The following TMPRSS11D variants were observed in gnomAD, a reference collection of about 807,000 sequenced individuals.
TMPRSS11D encodes the protein transmembrane serine protease 11D, also known as transmembrane protease serine 11D.
In TMPRSS11D, 32 loss-of-function variants were observed where a neutral mutation model predicts 44.4. That is an observed-to-expected ratio of 0.72 (90% CI 0.54 to 0.97). The LOEUF (loss-of-function observed/expected upper bound fraction) is 0.97. Ranked by LOEUF, TMPRSS11D falls within the 50% of genes least tolerant of loss-of-function variation. The pLI is 0.00. For synonymous variants in TMPRSS11D, 179 were observed against 177.9 expected (o/e 1.01, Z -0.05); for missense variants, 446 against 502.6 (o/e 0.89, Z 1.08).
At chr4:67,874,370 T>C (rs549583118) in intron 1 of TMPRSS11D, among the ~76,000 whole-genome samples, 1 of 152,308 alleles carries the variant, frequency 6.6e-6, no homozygotes, top group Admixed American at 6.5e-5. Flanking sequence ...CAGTGTGATC[T>C]GATTTGTAAT....
chr4:67,864,262 T>C (rs1245138698), intron 1 of TMPRSS11D, among the ~76,000 whole-genome samples: 2 of 151,994 alleles, frequency 1.3e-5, no homozygotes, highest in Non-Finnish European at 2.9e-5. Flanking sequence ...AACTTTATAG[T>C]AAAGAAGAGG....
At chr4:67,862,723 A>C (rs1169258818) in intron 1 of TMPRSS11D, among the ~76,000 whole-genome samples, 2 of 152,164 alleles carry the variant, frequency 1.3e-5, no homozygotes, top group African/African-American at 4.8e-5. Flanking sequence ...AATACTATGC[A>C]GCCATAAAAA....
intron 2 of TMPRSS11D, among the ~76,000 whole-genome samples, chr4:67,854,494 C>A (rs933782399): frequency 2.0e-5 from 3 of 151,972 alleles, no homozygotes; most frequent in African/African-American, 7.2e-5. Context: ...GTGGTGTATT[C>A]ATTCAGGAAA....
intron 1 of TMPRSS11D, among the ~76,000 whole-genome samples, chr4:67,861,418 G>A (rs1272440086): frequency 6.6e-6 from 1 of 152,102 alleles, no homozygotes. Context: ...CTGCTGAGTA[G>A]TGAAAGAGTT....
chr4:67,853,026 C>T (rs1315099560), intron 3 of TMPRSS11D, among the ~76,000 whole-genome samples: 1 of 152,124 alleles, frequency 6.6e-6, no homozygotes, highest in African/African-American at 2.4e-5. Flanking sequence ...GAGGTAGTTT[C>T]TTATAAAAGA....
At chr4:67,857,715 AG>A (rs1438202256) in intron 2 of TMPRSS11D, among the ~76,000 whole-genome samples, 1 of 152,160 alleles carries the variant, frequency 6.6e-6, no homozygotes, top group Non-Finnish European at 1.5e-5. Flanking sequence ...GGAAGGATGG[AG>A]GGGTGTGAGG....
rs1160854941 is a variant in TMPRSS11D, at chr4:67,821,725, T to C, written c.*612A>G. 2 of 152,152 alleles carry C rather than the reference T, an allele frequency of 1.3e-5. No homozygotes were observed. Among genetic ancestry groups the C allele is most frequent in the Non-Finnish European group, 2.9e-5 (2 of 68,032 alleles). The allele number at this position is 152,152 out of a possible 1,614,324, so 9.4% of individuals were successfully genotyped here. On this transcript the variant is annotated 3_prime_UTR_variant, in exon 10 of 10. Coordinates refer to ENST00000283916, the MANE Select transcript of TMPRSS11D (RefSeq NM_004262.3). Reference sequence around the variant, plus strand: ...GCTTTTGCCTTAAATAGCTGAAAATTATCCACTATTTCCTATGGAAGCATG... The same window carrying C: ...GCTTTTGCCTTAAATAGCTGAAAATCATCCACTATTTCCTATGGAAGCATG...
rs1440374491 is a variant in TMPRSS11D, at chr4:67,859,694, G to C, written c.9-16C>G. 1 of 1,609,452 alleles carries C rather than the reference G, an allele frequency of 6.2e-7. No homozygotes were observed. Among genetic ancestry groups the C allele is most frequent in the South Asian group, 1.1e-5 (1 of 90,616 alleles). On this transcript the variant is annotated splice_polypyrimidine_tract_variant and intron_variant, in intron 1 of 9. Transcript: ENST00000283916. ...ACGTGCTGGCCTTACAAGAGAGAGAGATCAAAGAAAGTCATTCATTTCACT... is the reference window on the plus strand; with the variant it reads ...ACGTGCTGGCCTTACAAGAGAGAGACATCAAAGAAAGTCATTCATTTCACT...
At chr4:67,854,399 A>G (rs1718584682) in intron 2 of TMPRSS11D, among the ~76,000 whole-genome samples, 1 of 151,942 alleles carries the variant, frequency 6.6e-6, no homozygotes. Context: ...GATGTTTAAA[A>G]ATCAGAGTGG....
At position 67,825,748 on chromosome 4, in the gene TMPRSS11D, C is replaced by A. The variant is rs748284731; in HGVS notation, c.1079G>T (p.Gly360Val). Reference sequence around the variant, plus strand: ...TGAGCTTACCTGACATGCGTCCACTCCACCTTGAGGTACTCCAGCACACAG... The same window carrying A: ...TGAGCTTACCTGACATGCGTCCACTACACCTTGAGGTACTCCAGCACACAG... ...GMLCAGVPQGGVDACQGDSGG... is the reference protein window; with the variant it reads ...GMLCAGVPQGVVDACQGDSGG... The change falls in exon 9 of 10, where the codon GGA (glycine) becomes GTA (valine). Residue 360 changes from glycine (G) to valine (V), a missense_variant. Coordinates refer to ENST00000283916, the MANE Select transcript of TMPRSS11D (RefSeq NM_004262.3). 6.2e-7 allele frequency: 1 copy of A among 1,612,866 alleles called. No individual in the cohort carries two copies. The highest frequency in any genetic ancestry group is 1.7e-5 in the Admixed American group (1 of 59,820).
rs138941980 is a variant in TMPRSS11D, at chr4:67,863,088, A to C, written c.9-3410T>G. ...ATAATAATAAAAAAATAAAAATAAAAAAAGGAAGTCACAGCAGCAAACTTA... is the reference window on the plus strand; with the variant it reads ...ATAATAATAAAAAAATAAAAATAAACAAAGGAAGTCACAGCAGCAAACTTA... On this transcript the variant is annotated intron_variant, in intron 1 of 9. Coordinates refer to ENST00000283916, the MANE Select transcript of TMPRSS11D (RefSeq NM_004262.3). 1.7e-3 allele frequency among the ~76,000 whole-genome samples: 252 copies of C among 150,728 alleles called. 7 individuals are homozygous for C. In the South Asian group the frequency reaches 0.05, roughly 30 times the overall value.
chr4:67,838,488 C>G (rs2109669084), intron 4 of TMPRSS11D, among the ~76,000 whole-genome samples, 159 bp from the exon 5 acceptor site: 1 of 152,198 alleles, frequency 6.6e-6, no homozygotes, highest in Admixed American at 6.6e-5. Context: ...AATACTATAT[C>G]ACGATGCTAT....
chr4:67,863,496 T>C (rs962235795), intron 1 of TMPRSS11D, among the ~76,000 whole-genome samples: 18 of 152,206 alleles, frequency 1.2e-4, no homozygotes, highest in African/African-American at 4.3e-4. Flanking sequence ...TAAAATTTCC[T>C]TTGTTCTGAT....
chr4:67,835,572 C>A (rs1179058576), intron 5 of TMPRSS11D, among the ~76,000 whole-genome samples: 1 of 151,724 alleles, frequency 6.6e-6, no homozygotes, highest in African/African-American at 2.4e-5. Context: ...TAACTGCGAG[C>A]AAAATATAGA....
chr4:67,825,623 A>G, intron 9 of TMPRSS11D, 109 bp downstream of exon 9: 1 of 1,156,490 alleles, frequency 8.6e-7, no homozygotes, highest in Non-Finnish European at 1.2e-6. Flanking sequence ...TTAGAGGAAC[A>G]GGGCTGTGTA....
At chr4:67,874,197 A>G (rs1029946262) in intron 1 of TMPRSS11D, among the ~76,000 whole-genome samples, 3 of 152,162 alleles carry the variant, frequency 2.0e-5, no homozygotes, top group Admixed American at 1.3e-4. Flanking sequence ...TATATCATCT[A>G]GGTGCATGTA....
In TMPRSS11D at chr4:67,829,061, A is replaced by T. The variant is rs114251514; in HGVS notation, c.693-1541T>A. On this transcript the variant is annotated intron_variant, in intron 7 of 9. Coordinates refer to ENST00000283916, the MANE Select transcript of TMPRSS11D (RefSeq NM_004262.3). The stretch of plus-strand genomic sequence containing the variant: ...TTTATGAAAGTTTCAGCAATAAATC[A>T]CTAGGCATCCACCTTTCAGTCCTGA... Among the ~76,000 whole-genome samples, 686 of 152,146 alleles carry T rather than the reference A, an allele frequency of 4.5e-3. 4 individuals are homozygous for T. Among genetic ancestry groups the T allele is most frequent in the African/African-American group, 0.016 (648 of 41,546 alleles).
In TMPRSS11D at chr4:67,842,154, C is replaced by T. The variant is rs111415633; in HGVS notation, c.317+404G>A. Among the ~76,000 whole-genome samples, 303 of 152,212 alleles carry T rather than the reference C, an allele frequency of 2.0e-3. 1 individual carries two copies. The highest frequency in any genetic ancestry group is 6.7e-3 in the African/African-American group (279 of 41,528). ...ACATCAGGCAGATAAAACCAAAAAGCCACTTTTGATGTTGGTCATAGTGTC... is the reference window on the plus strand; with the variant it reads ...ACATCAGGCAGATAAAACCAAAAAGTCACTTTTGATGTTGGTCATAGTGTC... On this transcript the variant is annotated intron_variant, in intron 4 of 9. Transcript: ENST00000283916.
At chr4:67,839,792 A>G (rs1718185691) in intron 4 of TMPRSS11D, among the ~76,000 whole-genome samples, 1 of 152,098 alleles carries the variant, frequency 6.6e-6, no homozygotes, top group Non-Finnish European at 1.5e-5. Context: ...CTGAATCTTC[A>G]TTAATACTAC....
Sources: allele counts gnomAD v4.1 joint callset (sites outside exome capture counted in the v4.1 genomes callset), GRCh38; gene constraint gnomAD v4.1.1; transcripts MANE v1.5; gene names NCBI Gene and HGNC (gene_info 2026-07-23, HGNC 2026-07-21).